The following BEND6 variants were observed in gnomAD, a reference collection of about 807,000 sequenced individuals.
The protein encoded by BEND6 is BEN domain containing 6, also known as BEN domain-containing protein 6.
In BEND6, 24 loss-of-function variants were observed where a neutral mutation model predicts 31.8. The observed-to-expected ratio is 0.75, with a 90% CI of 0.55 to 1.06. The LOEUF (loss-of-function observed/expected upper bound fraction) is 1.06. Among genes scored for constraint, BEND6 ranks in the 50% least tolerant of loss-of-function variants. The pLI is 0.00. For synonymous variants in BEND6, 109 were observed against 114.6 expected (o/e 0.95, Z 0.31); for missense variants, 294 against 327.4 (o/e 0.90, Z 0.79).
At chr6:57,014,501 A>T in intron 3 of BEND6, 2 of 1,525,114 alleles carry the variant, frequency 1.3e-6, no homozygotes. Flanking sequence ...ACCATTTTAC[A>T]TGGAGGCATG....
intron 2 of BEND6, among the ~76,000 whole-genome samples, chr6:56,984,583 T>C (rs929567683): frequency 2.0e-5 from 3 of 152,216 alleles, no homozygotes; most frequent in Non-Finnish European, 2.9e-5. Context: ...TGTAGGCCGG[T>C]ATTGTGGCTT....
intron 2 of BEND6, among the ~76,000 whole-genome samples, chr6:56,985,237 T>C (rs758349439): frequency 1.1e-4 from 16 of 152,212 alleles, no homozygotes; most frequent in Admixed American, 7.9e-4. Context: ...TATTCGTACT[T>C]CTGGGTACTC....
At chr6:57,014,278 C>T (rs997737391) in intron 3 of BEND6, among the ~76,000 whole-genome samples, 12 of 151,948 alleles carry the variant, frequency 7.9e-5, no homozygotes, top group Non-Finnish European at 1.6e-4. Flanking sequence ...CCAGATATAC[C>T]GATTTGCACA....
At chr6:56,955,597 G>A (rs1477709403) in intron 1 of BEND6, 137 bp downstream of exon 1, 2 of 152,236 alleles carry the variant, frequency 1.3e-5, no homozygotes, top group Non-Finnish European at 2.9e-5. Flanking sequence ...GCGCTCCGGG[G>A]TAGTACGCTC....
intron 2 of BEND6, 60 bp from the exon 3 acceptor site, chr6:56,992,318 A>T: frequency 6.7e-7 from 1 of 1,484,778 alleles, no homozygotes; most frequent in Non-Finnish European, 9.1e-7. Flanking sequence ...ATGGTTAACC[A>T]GAGATAAACC....
chr6:57,027,237 C>T lies in BEND6; in HGVS notation c.*1165C>T, dbSNP rs889951213. ...TGGACCCAGGAAATTTTCCATAAGT[C>T]TTGCTTGATAACAATGTGATTGTAC... On this transcript the variant is annotated 3_prime_UTR_variant, in exon 7 of 7. Transcript: ENST00000370746. The T allele has an allele frequency of 6.6e-6, 1 of 152,158 alleles. No individual in the cohort carries two copies. Among genetic ancestry groups the T allele is most frequent in the African/African-American group, 2.4e-5 (1 of 41,444 alleles). 9.4% of individuals were successfully genotyped at this position (152,158 alleles called of 1,614,324 possible).
At chr6:56,997,464 G>A (rs1338074955) in intron 3 of BEND6, among the ~76,000 whole-genome samples, 3 of 152,182 alleles carry the variant, frequency 2.0e-5, no homozygotes, top group Non-Finnish European at 4.4e-5. Context: ...TAGAAACGAA[G>A]TAGTAAAGTT....
chr6:57,014,996 C>A, intron 3 of BEND6, 137 bp from the exon 4 acceptor site: 2 of 606,430 alleles, frequency 3.3e-6, no homozygotes, highest in Non-Finnish European at 5.6e-6. Context: ...CCTTTCCTGC[C>A]ATGTTTATTT....
intron 3 of BEND6, chr6:57,014,443 A>G: frequency 7.0e-7 from 1 of 1,430,762 alleles, no homozygotes; most frequent in South Asian, 1.4e-5. Flanking sequence ...AACTCCAACA[A>G]CATGTTATTT....
At chr6:57,025,487 G>A (rs964633411) in intron 6 of BEND6, among the ~76,000 whole-genome samples, 2 of 152,190 alleles carry the variant, frequency 1.3e-5, no homozygotes, top group African/African-American at 4.8e-5. Flanking sequence ...TCAGAGTGCT[G>A]CCTGACCTGA....
chr6:56,999,063 T>A (rs1471228119), intron 3 of BEND6, among the ~76,000 whole-genome samples: 4 of 152,206 alleles, frequency 2.6e-5, no homozygotes, highest in Non-Finnish European at 4.4e-5. Flanking sequence ...CCCAGGCAGG[T>A]GTCCAGGCAT....
intron 2 of BEND6, among the ~76,000 whole-genome samples, chr6:56,991,725 A>AT (rs1170931975): frequency 4.6e-5 from 7 of 152,138 alleles, no homozygotes; most frequent in African/African-American, 1.7e-4. Context: ...GAATACACAT[A>AT]TAAAAAATGT....
In BEND6 at chr6:56,975,969, A is replaced by G. The variant is rs1436847086; in HGVS notation, c.-100-5742A>G. On this transcript the variant is annotated intron_variant, in intron 1 of 6. Coordinates refer to ENST00000370746, the MANE Select transcript of BEND6 (RefSeq NM_152731.3). Reference sequence around the variant, plus strand: ...ACCAGAGCATACACAGTCATGGTCGACGCCATGTGCAGTCATGGTGGCTTC... The same window carrying G: ...ACCAGAGCATACACAGTCATGGTCGGCGCCATGTGCAGTCATGGTGGCTTC... 4 of 521,714 alleles carry G rather than the reference A, an allele frequency of 7.7e-6. No homozygotes were observed. The East Asian group carries it at 2.0e-4, about 27-fold the overall frequency. The allele number at this position is 521,714 out of a possible 1,614,324, so 32.3% of individuals were successfully genotyped here.
At chr6:56,976,086 C>T (rs1291513965) in intron 1 of BEND6, 4 of 328,014 alleles carry the variant, frequency 1.2e-5, no homozygotes, top group Non-Finnish European at 1.2e-5. Flanking sequence ...AAGGGCCATT[C>T]TCAGCCTCAA....
intron 1 of BEND6, among the ~76,000 whole-genome samples, chr6:56,972,325 G>A (rs1018866275): frequency 6.6e-6 from 1 of 151,900 alleles, no homozygotes; most frequent in Non-Finnish European, 1.5e-5. Context: ...GAACCTCTGA[G>A]CTCAAGTGGT....
rs1195846941 is a variant in BEND6 at position 57,015,448 on chromosome 6, T to C, written c.519+95T>C. The C allele has an allele frequency of 2.6e-6, 3 of 1,157,328 alleles. No individual in the cohort carries two copies. The South Asian group carries it at 4.5e-5, about 17-fold the overall frequency. The allele number at this position is 1,157,328 out of a possible 1,614,324, so 71.7% of individuals were successfully genotyped here. ...AATGATCATTGTTTTATCAGATAAC[T>C]ATTGGATAAAATAGTTTTATTCAAT... On this transcript the variant is annotated intron_variant, in intron 4 of 6. Coordinates refer to ENST00000370746, the MANE Select transcript of BEND6 (RefSeq NM_152731.3).
In BEND6 at chr6:56,973,372, G is replaced by A. The variant is rs147576019; in HGVS notation, c.-100-8339G>A. On this transcript the variant is annotated intron_variant, in intron 1 of 6. Transcript: ENST00000370746. ...GTACAAGTAGTGCTCCCTTATCCAC[G>A]GAAGATGCATTCTAAGACCCCAGTG... 3.3e-3 allele frequency among the ~76,000 whole-genome samples: 500 copies of A among 152,236 alleles called. 1 individual carries two copies. Among genetic ancestry groups the A allele is most frequent in the Non-Finnish European group, 3.9e-3 (265 of 68,010 alleles).
chr6:57,025,915 A>C (rs1827887159), intron 6 of BEND6, among the ~76,000 whole-genome samples, 167 bp from the exon 7 acceptor site: 2 of 152,110 alleles, frequency 1.3e-5, no homozygotes, highest in South Asian at 4.1e-4. Context: ...ATAGGGAGTG[A>C]AGCCAGCTTG....
chr6:56,967,212 C>T (rs199622187), intron 1 of BEND6, among the ~76,000 whole-genome samples: 1 of 152,194 alleles, frequency 6.6e-6, no homozygotes, highest in East Asian at 1.9e-4. Context: ...AGATGGCCCA[C>T]TAAAATTAGG....
Sources: gnomAD v4.1 joint callset for allele counts (sites outside exome capture counted in the v4.1 genomes callset) on GRCh38, gnomAD v4.1.1 for gene constraint, MANE v1.5 for transcripts, NCBI Gene and HGNC (gene_info 2026-07-23, HGNC 2026-07-21) for gene names.